ITPR1: variants seen among roughly 807,000 people sequenced by gnomAD.
ITPR1 encodes inositol 1,4,5-trisphosphate-gated calcium channel ITPR1.
In ITPR1, 96 loss-of-function variants were observed where a neutral mutation model predicts 318.4. That is an observed-to-expected ratio of 0.30 (90% CI 0.26 to 0.36). The LOEUF (loss-of-function observed/expected upper bound fraction) is 0.36. Among genes scored for constraint, ITPR1 ranks in the 10% least tolerant of loss-of-function variants. The pLI is 1.00. For missense variants in ITPR1, 2,440 were observed against 3,460.2 expected (o/e 0.71, Z 7.40); for synonymous variants, 1,312 against 1,289.9 (o/e 1.02, Z -0.37).
chr3:4,791,666 G>C (rs544073917), intron 52 of ITPR1, among the ~76,000 whole-genome samples: 1 of 152,194 alleles, frequency 6.6e-6, no homozygotes, highest in Non-Finnish European at 1.5e-5. Flanking sequence ...CCTCCTGTGG[G>C]CACTTACTAT....
intron 60 of ITPR1, among the ~76,000 whole-genome samples, chr3:4,833,638 T>G (rs1162392791): frequency 6.6e-6 from 1 of 152,190 alleles, no homozygotes; most frequent in African/African-American, 2.4e-5. Context: ...CTTCCTTCTG[T>G]TTCCCTCTAG....
At chr3:4,495,056 G>A (rs1189500651) in intron 2 of ITPR1, among the ~76,000 whole-genome samples, 1 of 152,214 alleles carries the variant, frequency 6.6e-6, no homozygotes, top group Non-Finnish European at 1.5e-5. Context: ...CCACCTGAGT[G>A]TCAAGGAATC....
intron 61 of ITPR1, among the ~76,000 whole-genome samples, chr3:4,843,720 T>C (rs542903692): frequency 2.2e-4 from 34 of 152,268 alleles, no homozygotes; most frequent in African/African-American, 6.7e-4. Flanking sequence ...TGGGGAGCCT[T>C]AAGGATAGGG....
intron 44 of ITPR1, among the ~76,000 whole-genome samples, chr3:4,766,183 G>GA (rs1210089211): frequency 6.6e-6 from 1 of 152,202 alleles, no homozygotes; most frequent in Non-Finnish European, 1.5e-5. Context: ...AATCCCCCCA[G>GA]AAAAGCTCAG....
At chr3:4,521,164 T>A in intron 4 of ITPR1, 70 bp downstream of exon 4, 1 of 1,017,086 alleles carries the variant, frequency 9.8e-7, no homozygotes, top group East Asian at 2.4e-5. Flanking sequence ...GTTGTTGGTG[T>A]GTGTGTGTGT....
At chr3:4,603,514 C>G (rs2091460266) in intron 4 of ITPR1, among the ~76,000 whole-genome samples, 1 of 152,140 alleles carries the variant, frequency 6.6e-6, no homozygotes, top group Non-Finnish European at 1.5e-5. Flanking sequence ...ACTGCAACCT[C>G]CACCTCCTGG....
chr3:4,503,997 A>C (rs560371168), intron 2 of ITPR1, among the ~76,000 whole-genome samples: 1 of 151,914 alleles, frequency 6.6e-6, no homozygotes. Flanking sequence ...GGCACTCATC[A>C]GCTGTGTGAC....
rs185651799 is a variant in ITPR1, at chr3:4,673,103, G to A, written c.2205-33G>A. ...TCATTCATCCTGAATGATTTCTGGA[G>A]CGTGAGCTGTGTGCCCTTGTTCCTT... is the stretch of plus-strand genomic sequence containing the variant. On this transcript the variant is annotated intron_variant, in intron 20 of 61. Coordinates refer to ENST00000649015, the MANE Select transcript of ITPR1 (RefSeq NM_001378452.1). 669 of 1,592,496 alleles carry A rather than the reference G, an allele frequency of 4.2e-4. 2 individuals carry two copies. Among genetic ancestry groups the A allele is most frequent in the Non-Finnish European group, 4.7e-4 (550 of 1,165,956 alleles).
chr3:4,600,506 T>TTG (rs1204079172), intron 4 of ITPR1, among the ~76,000 whole-genome samples: 5 of 121,868 alleles, frequency 4.1e-5, no homozygotes, highest in East Asian at 5.3e-4. Flanking sequence ...GTGTGCGTGT[T>TTG]TGTGTGTGTG....
chr3:4,575,694 A>G (rs2125043442), intron 4 of ITPR1, among the ~76,000 whole-genome samples: 1 of 152,170 alleles, frequency 6.6e-6, no homozygotes, highest in Admixed American at 6.5e-5. Context: ...TAATGGCTAA[A>G]AAAAGTTGAT....
chr3:4,617,793 G>A lies in ITPR1; in HGVS notation c.164-9970G>A, dbSNP rs901996378. Among the ~76,000 whole-genome samples the A allele has an allele frequency of 5.3e-5, 8 of 151,360 alleles. No homozygotes were observed. In the East Asian group the frequency reaches 1.5e-3, roughly 29 times the overall value. ...GAGCACAGGCATTTAAGACCAGCCT[G>A]GGCAACATGGCGAAACCTTATTTCT... On this transcript the variant is annotated intron_variant, in intron 4 of 61. Coordinates refer to ENST00000649015, the MANE Select transcript of ITPR1 (RefSeq NM_001378452.1).
At position 4,699,842 on chromosome 3, in the gene ITPR1, T is replaced by C. The variant is rs758498603; in HGVS notation, c.4437T>C (p.His1479=). ...GTAACAACACTAGTGACAGGAAACATGCAGACTCGATTTTGGAGAAGTATG... is the reference window on the plus strand; with the variant it reads ...GTAACAACACTAGTGACAGGAAACACGCAGACTCGATTTTGGAGAAGTATG... The part of the protein sequence containing the change: ...RACNNTSDRK[H]ADSILEKYVT... The change falls in exon 35 of 62, where the codon CAT becomes CAC. Residue 1479 remains histidine, a synonymous_variant. Transcript: ENST00000649015. 8 of 1,613,812 alleles carry C rather than the reference T, an allele frequency of 5.0e-6. No homozygotes were observed. In the South Asian group the frequency reaches 7.7e-5, roughly 16 times the overall value.
At chr3:4,709,669 C>T (rs1236154564) in intron 37 of ITPR1, among the ~76,000 whole-genome samples, 3 of 152,192 alleles carry the variant, frequency 2.0e-5, no homozygotes, top group Non-Finnish European at 4.4e-5. Flanking sequence ...CTTTCAACTT[C>T]TCTCTGTTTT....
rs1553616569 is a variant in ITPR1 at position 4,542,685 on chromosome 3, G to GTC, written c.163+21591_163+21592insTC. Among the ~76,000 whole-genome samples, 39 of 14,304 alleles carry GTC rather than the reference G, an allele frequency of 2.7e-3. No individual in the cohort carries two copies. In the Admixed American group the frequency reaches 0.082, roughly 30 times the overall value. The allele number at this position is 14,304 out of a possible 152,430, so 9.4% of individuals were successfully genotyped here. ...AAGCTGTAGCTTCTTGTGTGTGGCG[G>GTC]GGGGGTGGGTCTGAGCTTTATGCAA... On this transcript the variant is annotated intron_variant, in intron 4 of 61. Coordinates refer to ENST00000649015, the MANE Select transcript of ITPR1 (RefSeq NM_001378452.1).
chr3:4,623,808 C>T (rs905799243), intron 4 of ITPR1, among the ~76,000 whole-genome samples: 2 of 152,174 alleles, frequency 1.3e-5, no homozygotes, highest in African/African-American at 2.4e-5. Context: ...TAATTTCGTT[C>T]TGTTACTAGT....
At chr3:4,503,883 A>G (rs1366964665) in intron 2 of ITPR1, among the ~76,000 whole-genome samples, 1 of 151,778 alleles carries the variant, frequency 6.6e-6, no homozygotes, top group Non-Finnish European at 1.5e-5. Flanking sequence ...TCAGGCTGGG[A>G]CTGACTTCAA....
chr3:4,600,883 T>C (rs766641761), intron 4 of ITPR1, among the ~76,000 whole-genome samples: 4 of 152,224 alleles, frequency 2.6e-5, no homozygotes, highest in Non-Finnish European at 4.4e-5. Context: ...ATTTGTTGAT[T>C]GTGTGGGGAC....
chr3:4,621,493 A>G (rs1009275808), intron 4 of ITPR1, among the ~76,000 whole-genome samples: 1 of 152,162 alleles, frequency 6.6e-6, no homozygotes, highest in Non-Finnish European at 1.5e-5. Flanking sequence ...TGGGGATTAC[A>G]ATTCAACACG....
intron 39 of ITPR1, among the ~76,000 whole-genome samples, chr3:4,714,898 G>GTTT (rs769743102): frequency 7.0e-4 from 107 of 152,224 alleles, no homozygotes; most frequent in Non-Finnish European, 1.3e-3. Flanking sequence ...AAACATGATA[G>GTTT]AATCACTGTA....
Sources: allele counts gnomAD v4.1 joint callset (sites outside exome capture counted in the v4.1 genomes callset), GRCh38; gene constraint gnomAD v4.1.1; transcripts MANE v1.5; gene names NCBI Gene and HGNC (gene_info 2026-07-23, HGNC 2026-07-21).